ATXN10: variants seen among roughly 807,000 people sequenced by gnomAD.
ATXN10 encodes ataxin-10.
In ATXN10, 28 loss-of-function variants were observed where a neutral mutation model predicts 52.9. That is an observed-to-expected ratio of 0.53 (90% CI 0.39 to 0.73). The LOEUF (loss-of-function observed/expected upper bound fraction) is 0.73, where lower values mean the gene tolerates loss of function less well. Among genes scored for constraint, ATXN10 ranks in the 30% least tolerant of loss-of-function variants. ATXN10 has a pLI of 0.00. For missense variants in ATXN10, 565 were observed against 577.0 expected, an observed-to-expected ratio of 0.98 and a Z score of 0.21; for synonymous variants, 226 against 221.5, an observed-to-expected ratio of 1.02 and a Z score of -0.18.
At chr22:45,814,854 C>T (rs1353244326) in intron 10 of ATXN10, among the ~76,000 whole-genome samples, 16 of 152,172 alleles carry the variant, frequency 1.1e-4, no homozygotes, top group Non-Finnish European at 1.5e-5. Flanking sequence ...CTATTGTGAG[C>T]TGCACATGTG....
At position 45,725,703 on chromosome 22, in the gene ATXN10, T is replaced by C. The variant is rs567794646; in HGVS notation, c.729-3722T>C. Among the ~76,000 whole-genome samples, 4 of 152,334 alleles carry C rather than the reference T, an allele frequency of 2.6e-5. No homozygotes were observed. In the South Asian group the frequency reaches 8.3e-4, roughly 32 times the overall value. On this transcript the variant is annotated intron_variant, in intron 6 of 11. Coordinates refer to ENST00000252934, the MANE Select transcript of ATXN10 (RefSeq NM_013236.4). ...CTGGCTAGACCTTCCAGTGTTATACTGAATAGAAGTGGTGAAAGTGGACAT... is the reference window on the plus strand; with the variant it reads ...CTGGCTAGACCTTCCAGTGTTATACCGAATAGAAGTGGTGAAAGTGGACAT...
intron 9 of ATXN10, among the ~76,000 whole-genome samples, chr22:45,794,874 G>A (rs575467292): frequency 6.6e-6 from 1 of 152,270 alleles, no homozygotes; most frequent in East Asian, 1.9e-4. Context: ...CCCTGGAAAA[G>A]TTAAATATAT....
intron 10 of ATXN10, among the ~76,000 whole-genome samples, chr22:45,821,286 A>G (rs961352278): frequency 1.4e-5 from 2 of 145,326 alleles, no homozygotes; most frequent in Admixed American, 1.4e-4. Flanking sequence ...CTGAGGCAGG[A>G]GGATCGCTTG....
chr22:45,767,738 A>G (rs558724208), intron 9 of ATXN10, among the ~76,000 whole-genome samples: 31 of 152,356 alleles, frequency 2.0e-4, no homozygotes, highest in African/African-American at 6.5e-4. Flanking sequence ...GAAGGAATCT[A>G]TGTATATCTC....
intron 1 of ATXN10, chr22:45,672,450 C>A (rs1922500248): frequency 5.2e-6 from 1 of 190,900 alleles, no homozygotes; most frequent in Non-Finnish European, 1.1e-5. Context: ...CTTGCCGCGG[C>A]GTGCCGGTGA....
At chr22:45,714,783 G>A (rs562342631) in intron 5 of ATXN10, among the ~76,000 whole-genome samples, 89 of 152,182 alleles carry the variant, frequency 5.8e-4, no homozygotes, top group Non-Finnish European at 1.2e-3. Flanking sequence ...AGCTATAAAG[G>A]CCTTTCCTCT....
intron 5 of ATXN10, among the ~76,000 whole-genome samples, chr22:45,704,368 G>A (rs575797776): frequency 6.6e-6 from 1 of 151,096 alleles, no homozygotes; most frequent in Non-Finnish European, 1.5e-5. Flanking sequence ...AGACCACCTT[G>A]GGGGAATATT....
Position 45,708,135 on chromosome 22 carries a change from AATT to A in ATXN10, c.647+5292_647+5294del, listed in dbSNP as rs1430335499. Among the ~76,000 whole-genome samples the A allele has an allele frequency of 6.6e-6, 1 of 152,198 alleles. No homozygotes were observed. The highest frequency in any genetic ancestry group is 1.5e-5 in the Non-Finnish European group (1 of 68,028). ...AAAGTCTTTGGCACTACTTGGTTTG[AATT>A]ATTGGGATAATGTCTTTCTAAAAAT... On this transcript the variant is annotated intron_variant, in intron 5 of 11. Coordinates refer to ENST00000252934, the MANE Select transcript of ATXN10 (RefSeq NM_013236.4). The surrounding 1 kb of genome is among the most constrained non-coding windows in gnomAD (Gnocchi z 5.3).
chr22:45,814,596 A>G (rs1928394655), intron 10 of ATXN10, among the ~76,000 whole-genome samples: 1 of 152,240 alleles, frequency 6.6e-6, no homozygotes, highest in Non-Finnish European at 1.5e-5. Context: ...TATCCTGTGA[A>G]TCAGCAGTTC....
intron 10 of ATXN10, among the ~76,000 whole-genome samples, chr22:45,827,245 A>G (rs1928847199): frequency 6.6e-6 from 1 of 152,222 alleles, no homozygotes; most frequent in African/African-American, 2.4e-5. Context: ...AAAAGAAGAC[A>G]ATAATGTAAG....
rs909098167 is a variant in ATXN10 at position 45,712,790 on chromosome 22, C to T, written c.648-5623C>T. ...AGTTTAATGCTACTCACGTTTAACC[C>T]GTTGGAAATGTTATTTAACTCTTTT... On this transcript the variant is annotated intron_variant, in intron 5 of 11. Transcript: ENST00000252934. The surrounding 1 kb of genome is among the most constrained non-coding windows in gnomAD (Gnocchi z 4.6). Among the ~76,000 whole-genome samples, 7 of 152,010 alleles carry T rather than the reference C, an allele frequency of 4.6e-5. No individual in the cohort carries two copies. The highest frequency in any genetic ancestry group is 1.9e-4 in the East Asian group (1 of 5,178).
intron 9 of ATXN10, among the ~76,000 whole-genome samples, chr22:45,758,850 C>A (rs1326641840): frequency 6.6e-6 from 1 of 152,162 alleles, no homozygotes; most frequent in Non-Finnish European, 1.5e-5. Context: ...AGCAAGAATT[C>A]TAGTGCTGTG....
chr22:45,672,327 C>T, intron 1 of ATXN10, 148 bp downstream of exon 1: 3 of 873,486 alleles, frequency 3.4e-6, no homozygotes, highest in Non-Finnish European at 2.9e-6. Context: ...GCCACCCAGG[C>T]CTCCCGACTC....
chr22:45,747,865 G>C (rs1157333753), intron 9 of ATXN10, among the ~76,000 whole-genome samples: 1 of 152,088 alleles, frequency 6.6e-6, no homozygotes, highest in Non-Finnish European at 1.5e-5. Context: ...AGGATCACTT[G>C]AGCCCAGGAG....
Position 45,690,109 on chromosome 22 carries a change from CA to C in ATXN10, c.308+214del, listed in dbSNP as rs931274546. Among the ~76,000 whole-genome samples, 3 of 151,076 alleles carry C rather than the reference CA, an allele frequency of 2.0e-5. No individual in the cohort carries two copies. The highest frequency in any genetic ancestry group is 4.4e-5 in the Non-Finnish European group (3 of 67,780). On this transcript the variant is annotated intron_variant, in intron 2 of 11. Transcript: ENST00000252934. The surrounding 1 kb of genome is among the most constrained non-coding windows in gnomAD (Gnocchi z 4.5). ...GCAACATGGTGAGACCCTGTCTCTACAAAAAAAATACAAAAAATTAGCTGGA... is the reference window on the plus strand; with the variant it reads ...GCAACATGGTGAGACCCTGTCTCTACAAAAAAATACAAAAAATTAGCTGGA...
chr22:45,821,650 A>G (rs1835838758), intron 10 of ATXN10, among the ~76,000 whole-genome samples: 1 of 152,190 alleles, frequency 6.6e-6, no homozygotes, highest in Non-Finnish European at 1.5e-5. Flanking sequence ...TCATTGAGGT[A>G]TAACTTACAT....
At position 45,757,201 on chromosome 22, in the gene ATXN10, G is replaced by A. The variant is rs1285851197; in HGVS notation, c.1173+16663G>A. Among the ~76,000 whole-genome samples the A allele has an allele frequency of 6.6e-6, 1 of 152,144 alleles. No homozygotes were observed. Among genetic ancestry groups the A allele is most frequent in the Non-Finnish European group, 1.5e-5 (1 of 68,022 alleles). ...GCGGGGGTGTTGACAGGAAAAATCC[G>A]ACTGGCGGCCTTGGAGCAGTTCGAA... On this transcript the variant is annotated intron_variant, in intron 9 of 11. Coordinates refer to ENST00000252934, the MANE Select transcript of ATXN10 (RefSeq NM_013236.4). This position sits in a 1 kb window ranked among gnomAD's most constrained non-coding sequence, Gnocchi z 4.6.
rs191349656 is a variant in ATXN10 at position 45,746,834 on chromosome 22, T to C, written c.1173+6296T>C. Among the ~76,000 whole-genome samples the C allele has an allele frequency of 3.9e-5, 6 of 152,344 alleles. No individual in the cohort carries two copies. The East Asian group carries it at 9.6e-4, about 24-fold the overall frequency. On this transcript the variant is annotated intron_variant, in intron 9 of 11. Coordinates refer to ENST00000252934, the MANE Select transcript of ATXN10 (RefSeq NM_013236.4). ...CCTATAATCAGTTTCTGTGGGTAAA[T>C]AGGTTATGGGTTGTTGATTCTGATG...
rs117039791 is a variant in ATXN10 at position 45,763,734 on chromosome 22, G to C, written c.1173+23196G>C. Among the ~76,000 whole-genome samples, 968 of 152,330 alleles carry C rather than the reference G, an allele frequency of 6.4e-3. 7 individuals are homozygous for C. Among genetic ancestry groups the C allele is most frequent in the South Asian group, 0.014 (70 of 4,832 alleles). ...ATTTGTGGTTGGTTTTGTCTGCTCT[G>C]CTCTTCGCAACCCTAGAATGTAAGT... On this transcript the variant is annotated intron_variant, in intron 9 of 11. Coordinates refer to ENST00000252934, the MANE Select transcript of ATXN10 (RefSeq NM_013236.4). This position sits in a 1 kb window ranked among gnomAD's most constrained non-coding sequence, Gnocchi z 6.9.
Sources: gnomAD v4.1 joint callset for allele counts (sites outside exome capture counted in the v4.1 genomes callset) on GRCh38, gnomAD v4.1.1 for gene constraint, Gnocchi (gnomAD v3.1) non-coding constraint, MANE v1.5 for transcripts, NCBI Gene and HGNC (gene_info 2026-07-23, HGNC 2026-07-21) for gene names.